Variants in LMO7 observed in about 807,000 individuals in gnomAD.
LMO7 encodes the protein LIM domain only protein 7.
LMO7 carries 120 observed loss-of-function variants against 206.5 expected under a neutral mutation model. The ratio of observed to expected loss-of-function variants is 0.58; its 90% confidence interval spans 0.50 to 0.68. The LOEUF (loss-of-function observed/expected upper bound fraction) is 0.68. Ranked by LOEUF, LMO7 falls within the 30% of genes least tolerant of loss-of-function variation. LMO7 has a pLI of 0.00. For synonymous variants in LMO7, 706 were observed against 681.5 expected (o/e 1.04, Z -0.56); for missense variants, 1,959 against 1,957.9 (o/e 1.00, Z -0.01).
At chr13:75,797,749 A>G (rs2054217493) in intron 6 of LMO7, among the ~76,000 whole-genome samples, 1 of 152,204 alleles carries the variant, frequency 6.6e-6, no homozygotes, top group Non-Finnish European at 1.5e-5. Flanking sequence ...TATTATAGCA[A>G]GAGGTGGGAT....
chr13:75,698,818 G>C (rs1034973801), intron 1 of LMO7, among the ~76,000 whole-genome samples: 1 of 151,978 alleles, frequency 6.6e-6, no homozygotes, highest in Admixed American at 6.6e-5. Context: ...AACATTTATT[G>C]AGATATAATT....
intron 4 of LMO7, among the ~76,000 whole-genome samples, chr13:75,791,250 T>A (rs2140610774): frequency 6.6e-6 from 1 of 152,286 alleles, no homozygotes; most frequent in Non-Finnish European, 1.5e-5. Flanking sequence ...ATCTGTTTTT[T>A]GGAGGGATTA....
intron 11 of LMO7, among the ~76,000 whole-genome samples, chr13:75,813,918 C>T (rs2056717643): frequency 6.6e-6 from 1 of 151,784 alleles, no homozygotes; most frequent in Non-Finnish European, 1.5e-5. Flanking sequence ...GTCTAGATAC[C>T]CCTCATACCT....
chr13:75,713,957 A>T (rs1258512390), intron 2 of LMO7, among the ~76,000 whole-genome samples: 1 of 152,220 alleles, frequency 6.6e-6, no homozygotes, highest in Non-Finnish European at 1.5e-5. Flanking sequence ...GGGTGAAGGT[A>T]GAGGTTGCAG....
At chr13:75,849,993 C>T (rs2139562334) in intron 27 of LMO7, among the ~76,000 whole-genome samples, 1 of 152,218 alleles carries the variant, frequency 6.6e-6, no homozygotes, top group Admixed American at 6.5e-5. Flanking sequence ...AGATGTGTGC[C>T]TGTAATCCCA....
At chr13:75,844,487 G>T (rs1269048389) in intron 25 of LMO7, among the ~76,000 whole-genome samples, 3 of 150,892 alleles carry the variant, frequency 2.0e-5, no homozygotes, top group Non-Finnish European at 4.4e-5. Flanking sequence ...TCAGCTCACT[G>T]CAACCTCCAC....
In LMO7 at chr13:75,653,076, C is replaced by T. The variant is rs539892517; in HGVS notation, c.69+16350C>T. On this transcript the variant is annotated intron_variant, in intron 1 of 30. Coordinates refer to ENST00000377534, the MANE Select transcript of LMO7 (RefSeq NM_001306080.2). ...TTTCCCTACACTCTTTCATTCACCT[C>T]GGGACAGAGTATAGAAGGAAATGAT... is the stretch of plus-strand genomic sequence containing the variant. Among the ~76,000 whole-genome samples the T allele has an allele frequency of 7.2e-5, 11 of 152,170 alleles. No homozygotes were observed. The South Asian group carries it at 8.3e-4, about 11-fold the overall frequency.
intron 3 of LMO7, among the ~76,000 whole-genome samples, chr13:75,731,661 A>T (rs2045238120): frequency 6.6e-6 from 1 of 151,594 alleles, no homozygotes; most frequent in African/African-American, 2.4e-5. Context: ...TGTGAATTTG[A>T]ACCTGTCATT....
At chr13:75,775,631 A>G (rs778622483) in intron 4 of LMO7, among the ~76,000 whole-genome samples, 2 of 152,160 alleles carry the variant, frequency 1.3e-5, no homozygotes, top group Admixed American at 6.5e-5. Flanking sequence ...CCTTGTCAAA[A>G]AGTGGGCAAA....
chr13:75,659,433 A>C (rs1468231432), intron 1 of LMO7, among the ~76,000 whole-genome samples: 1 of 152,226 alleles, frequency 6.6e-6, no homozygotes, highest in African/African-American at 2.4e-5. Context: ...AAAGAGGTTT[A>C]ATTGGACTTA....
Position 75,841,880 on chromosome 13 carries a change from C to A in LMO7, c.3928C>A (p.Arg1310=), listed in dbSNP as rs768424294. 5.0e-6 allele frequency: 8 copies of A among 1,613,954 alleles called. No homozygotes were observed. Among genetic ancestry groups the A allele is most frequent in the Non-Finnish European group, 6.8e-6 (8 of 1,179,910 alleles). The part of the protein sequence containing the change: ...QQLQEEQEQK[R]LQAEAEEQKR... ...GCTTCAGGAAGAGCAAGAGCAAAAG[C>A]GGCTTCAGGCTGAGGCTGAGGAGCA... The change falls in exon 24 of 31, where the codon CGG becomes AGG. Residue 1310 remains arginine (R), a synonymous_variant. Coordinates refer to ENST00000377534, the MANE Select transcript of LMO7 (RefSeq NM_001306080.2).
At chr13:75,734,410 T>A (rs2045593951) in intron 3 of LMO7, among the ~76,000 whole-genome samples, 1 of 152,226 alleles carries the variant, frequency 6.6e-6, no homozygotes. Context: ...AAGTTTAAGA[T>A]AGCTAATAAT....
chr13:75,800,974 C>A, intron 7 of LMO7, 92 bp downstream of exon 7: 1 of 1,159,756 alleles, frequency 8.6e-7, no homozygotes, highest in Non-Finnish European at 1.3e-6. Context: ...AAAAACTAGG[C>A]AAAAATTTCA....
chr13:75,766,285 A>G (rs1335442399), intron 4 of LMO7, among the ~76,000 whole-genome samples: 1 of 132,058 alleles, frequency 7.6e-6, no homozygotes, highest in Non-Finnish European at 1.6e-5. Flanking sequence ...AACCAGAAGT[A>G]TTAAGCATTG....
intron 3 of LMO7, among the ~76,000 whole-genome samples, chr13:75,745,637 A>G (rs894822400): frequency 5.9e-5 from 9 of 152,136 alleles, no homozygotes; most frequent in Admixed American, 2.6e-4. Flanking sequence ...TGAGATTAAC[A>G]TTTGAATCTG....
At chr13:75,767,067 G>C (rs575177208) in intron 4 of LMO7, among the ~76,000 whole-genome samples, 1 of 152,182 alleles carries the variant, frequency 6.6e-6, no homozygotes, top group Admixed American at 6.5e-5. Flanking sequence ...TAAAACTTAT[G>C]CAGTTTAAGA....
chr13:75,818,739 A>G (rs1243209727), intron 12 of LMO7, among the ~76,000 whole-genome samples: 1 of 152,136 alleles, frequency 6.6e-6, no homozygotes, highest in Non-Finnish European at 1.5e-5. Flanking sequence ...AAGCCTTTCC[A>G]AAGCCTTCCC....
chr13:75,838,542 G>C (rs1022520374), intron 20 of LMO7: 2 of 290,620 alleles, frequency 6.9e-6, no homozygotes, highest in Non-Finnish European at 6.3e-6. Flanking sequence ...TTTCATTTAA[G>C]CCTTACTGCT....
At chr13:75,631,041 T>A (rs1283096786) in intron 2 of LMO7, among the ~76,000 whole-genome samples, 1 of 152,026 alleles carries the variant, frequency 6.6e-6, no homozygotes, top group African/African-American at 2.4e-5. Flanking sequence ...TATTATTATT[T>A]TTTGAGACAG....
Sources: gnomAD v4.1 joint callset for allele counts (sites outside exome capture counted in the v4.1 genomes callset) on GRCh38, gnomAD v4.1.1 for gene constraint, MANE v1.5 for transcripts, NCBI Gene and HGNC (gene_info 2026-07-23, HGNC 2026-07-21) for gene names.